The following PCDHGA8 variants were observed in gnomAD, a reference collection of about 807,000 sequenced individuals.
PCDHGA8 encodes the protein protocadherin gamma-A8.
Under a neutral mutation model 59.2 loss-of-function variants are expected in PCDHGA8, and 45 were observed. The observed-to-expected ratio is 0.76, with a 90% CI of 0.60 to 0.98. The LOEUF (loss-of-function observed/expected upper bound fraction) is 0.98. PCDHGA8 is among the 50% of genes least tolerant of loss of function. PCDHGA8 has a pLI of 0.00. For missense variants in PCDHGA8, 1,257 were observed against 1,196.2 expected, an observed-to-expected ratio of 1.05 and a Z score of -0.75; for synonymous variants, 531 against 519.0, an observed-to-expected ratio of 1.02 and a Z score of -0.32.
intron 1 of PCDHGA8, among the ~76,000 whole-genome samples, chr5:141,463,099 A>G (rs1445730117): frequency 1.4e-4 from 21 of 152,204 alleles, no homozygotes; most frequent in Admixed American, 1.4e-3. Context: ...CTATGTGACC[A>G]TCAAGAATTC....
At position 141,431,141 on chromosome 5, in the gene PCDHGA8, G is replaced by C. The variant is rs1262504427; in HGVS notation, c.2424+35904G>C. 1 of 1,614,094 alleles carries C rather than the reference G, an allele frequency of 6.2e-7. No individual in the cohort carries two copies. The highest frequency in any genetic ancestry group is 2.2e-5 in the East Asian group (1 of 44,896). On this transcript the variant is annotated intron_variant, in intron 1 of 3. Coordinates refer to ENST00000398604, the MANE Select transcript of PCDHGA8 (RefSeq NM_032088.2). The surrounding 1 kb of genome is among the most constrained non-coding windows in gnomAD (Gnocchi z 4.8). The stretch of plus-strand genomic sequence containing the variant: ...AGAAGTAGAAGTAAGGGACATTAAC[G>C]ACAATGCGCCTTACTTTCGTGAAAG...
intron 1 of PCDHGA8, chr5:141,429,173 C>CA (rs1561839883): frequency 7.9e-6 from 1 of 125,872 alleles, no homozygotes; most frequent in Non-Finnish European, 1.7e-5. Flanking sequence ...TGTTTATACA[C>CA]ACACACACAC....
intron 1 of PCDHGA8, chr5:141,478,679 C>T (rs1247027395): frequency 3.2e-6 from 5 of 1,551,382 alleles, no homozygotes; most frequent in East Asian, 2.4e-5. Flanking sequence ...TCAACTGGCC[C>T]TTCCTAGATC....
rs545261528 is a variant in PCDHGA8 at position 141,404,038 on chromosome 5, G to C, written c.2424+8801G>C. 4.3e-6 allele frequency: 7 copies of C among 1,613,858 alleles called. No individual in the cohort carries two copies. The African/African-American group carries it at 8.0e-5, about 18-fold the overall frequency. ...GCCCAGTGAGAGAAGACGCACCTCA[G>C]GGAACAGTAATTCTTCTTTTCAATG... On this transcript the variant is annotated intron_variant, in intron 1 of 3. Coordinates refer to ENST00000398604, the MANE Select transcript of PCDHGA8 (RefSeq NM_032088.2).
At chr5:141,398,199 G>A in intron 1 of PCDHGA8, 1 of 1,491,242 alleles carries the variant, frequency 6.7e-7, no homozygotes, top group South Asian at 1.3e-5. Flanking sequence ...TGCTGTCTTT[G>A]TTCTGCCCGG....
intron 1 of PCDHGA8, among the ~76,000 whole-genome samples, chr5:141,454,250 C>T (rs1453631901): frequency 6.6e-6 from 1 of 151,974 alleles, no homozygotes; most frequent in African/African-American, 2.4e-5. Context: ...TGAAGATGTC[C>T]CAGAGAAAGT....
chr5:141,414,060 G>C (rs769101242), intron 1 of PCDHGA8: 1 of 1,609,304 alleles, frequency 6.2e-7, no homozygotes, highest in South Asian at 1.1e-5. Flanking sequence ...AATTGTTGAA[G>C]TTCCAACTAA....
At chr5:141,408,856 G>T in intron 1 of PCDHGA8, 1 of 1,613,518 alleles carries the variant, frequency 6.2e-7, no homozygotes, top group Non-Finnish European at 8.5e-7. Flanking sequence ...TGGACGGAGG[G>T]GACCCACCAA....
intron 1 of PCDHGA8, among the ~76,000 whole-genome samples, chr5:141,439,050 A>G (rs1353548752): frequency 1.3e-5 from 2 of 151,164 alleles, no homozygotes; most frequent in Non-Finnish European, 2.9e-5. Flanking sequence ...TAAGATTTCC[A>G]TATTGTGTGG....
chr5:141,491,802 G>A lies in PCDHGA8; in HGVS notation c.2425-3005G>A. 6.7e-7 allele frequency: 1 copy of A among 1,497,480 alleles called. No homozygotes were observed. Among genetic ancestry groups the A allele is most frequent in the East Asian group, 2.5e-5 (1 of 40,518 alleles). The allele number at this position is 1,497,480 out of a possible 1,614,324, so 92.8% of individuals were successfully genotyped here. ...ACTTGCATCCACTCCTCTCCGGCCG[G>A]CTTGGTCGCTGGCTGCGCTCCACCC... On this transcript the variant is annotated intron_variant, in intron 1 of 3. Coordinates refer to ENST00000398604, the MANE Select transcript of PCDHGA8 (RefSeq NM_032088.2). The surrounding 1 kb of genome is among the most constrained non-coding windows in gnomAD (Gnocchi z 6.9).
Position 141,490,480 on chromosome 5 carries a change from C to G in PCDHGA8, c.2425-4327C>G. On this transcript the variant is annotated intron_variant, in intron 1 of 3. Coordinates refer to ENST00000398604, the MANE Select transcript of PCDHGA8 (RefSeq NM_032088.2). This position sits in a 1 kb window ranked among gnomAD's most constrained non-coding sequence, Gnocchi z 5.4. The stretch of plus-strand genomic sequence containing the variant: ...GCTGCTAACCAGCCAGCCTTTGGAC[C>G]GGGAGGCCACATCCCACTATATCAT... 2.5e-6 allele frequency: 4 copies of G among 1,614,194 alleles called. No homozygotes were observed. The highest frequency in any genetic ancestry group is 3.4e-6 in the Non-Finnish European group (4 of 1,180,050).
intron 2 of PCDHGA8, among the ~76,000 whole-genome samples, chr5:141,497,540 C>CTT (rs754207034): frequency 2.8e-4 from 38 of 134,912 alleles, no homozygotes; most frequent in African/African-American, 8.9e-4. Context: ...TGCAACAAAC[C>CTT]TTTTTTTTTT....
intron 1 of PCDHGA8, among the ~76,000 whole-genome samples, chr5:141,462,941 G>A (rs1667222225): frequency 6.6e-6 from 1 of 152,158 alleles, no homozygotes; most frequent in Non-Finnish European, 1.5e-5. Flanking sequence ...TTCAAGGCTT[G>A]TTTTTAAGCT....
intron 1 of PCDHGA8, among the ~76,000 whole-genome samples, chr5:141,463,209 A>G (rs1189251811): frequency 6.6e-6 from 1 of 152,140 alleles, no homozygotes; most frequent in African/African-American, 2.4e-5. Flanking sequence ...TTGGGGATCC[A>G]TATTAATATT....
intron 1 of PCDHGA8, chr5:141,442,535 A>C (rs2098331560): frequency 6.6e-6 from 1 of 152,240 alleles, no homozygotes; most frequent in Non-Finnish European, 1.5e-5. Flanking sequence ...CTCCAAGGTG[A>C]AAAATTCTTG....
chr5:141,447,979 G>A (rs888759756), intron 1 of PCDHGA8, among the ~76,000 whole-genome samples: 15 of 151,814 alleles, frequency 9.9e-5, no homozygotes, highest in Admixed American at 5.9e-4. Context: ...CCAGCTACTC[G>A]GGAGGCTGAG....
chr5:141,438,681 G>T (rs2098050580), intron 1 of PCDHGA8, among the ~76,000 whole-genome samples: 1 of 142,154 alleles, frequency 7.0e-6, no homozygotes, highest in South Asian at 2.3e-4. Context: ...TGGAGTAGGG[G>T]ATGGAGTCTT....
chr5:141,432,800 C>T lies in PCDHGA8; in HGVS notation c.2424+37563C>T. The T allele has an allele frequency of 6.2e-7, 1 of 1,614,156 alleles. No individual in the cohort carries two copies. The highest frequency in any genetic ancestry group is 8.5e-7 in the Non-Finnish European group (1 of 1,180,008). ...GGCGGACCTCGGCAGCCTCGAGTCT[C>T]CAGCTAACTCTGAAACCTCAGACCT... On this transcript the variant is annotated intron_variant, in intron 1 of 3. Transcript: ENST00000398604. This position sits in a 1 kb window ranked among gnomAD's most constrained non-coding sequence, Gnocchi z 6.0.
intron 1 of PCDHGA8, among the ~76,000 whole-genome samples, chr5:141,406,473 T>A (rs2094813817): frequency 6.6e-6 from 1 of 152,248 alleles, no homozygotes; most frequent in African/African-American, 2.4e-5. Context: ...CTCTTTGAGG[T>A]TATATTTTTC....
Sources: gnomAD v4.1 joint callset for allele counts (sites outside exome capture counted in the v4.1 genomes callset) on GRCh38, gnomAD v4.1.1 for gene constraint, Gnocchi (gnomAD v3.1) non-coding constraint, MANE v1.5 for transcripts, NCBI Gene and HGNC (gene_info 2026-07-23, HGNC 2026-07-21) for gene names.